The following ATP8B2 variants were observed in gnomAD, a reference collection of about 807,000 sequenced individuals.
ATP8B2 encodes the protein phospholipid-transporting ATPase ID.
A neutral mutation model predicts 133.4 loss-of-function variants in ATP8B2; 70 were observed. The ratio of observed to expected loss-of-function variants is 0.52; its 90% CI spans 0.43 to 0.64. ATP8B2 has a LOEUF of 0.64. Ranked by LOEUF, ATP8B2 falls within the 30% of genes least tolerant of loss-of-function variation. The pLI is 0.00. For missense variants in ATP8B2, 1,101 were observed against 1,535.7 expected (o/e 0.72, Z 4.73); for synonymous variants, 517 against 589.5 (o/e 0.88, Z 1.78).
chr1:154,327,677 G>A (rs1685835378), intron 1 of ATP8B2: 2 of 931,326 alleles, frequency 2.1e-6, no homozygotes, highest in Non-Finnish European at 3.4e-6. Flanking sequence ...GTTTCCTGAT[G>A]CCCTGCCAGG....
chr1:154,348,910 C>T lies in ATP8B2; in HGVS notation c.3365C>T (p.Thr1122Ile). The T allele has an allele frequency of 6.2e-7, 1 of 1,613,670 alleles. No individual in the cohort carries two copies. The highest frequency in any genetic ancestry group is 8.5e-7 in the Non-Finnish European group (1 of 1,179,804). The change falls in exon 28 of 28, where the codon ACT (threonine) becomes ATT (isoleucine). Residue 1122 changes from threonine (T) to isoleucine (I), a missense_variant. Physicochemically the swap from Thr to Ile is moderately conservative, Grantham distance 89. Coordinates refer to ENST00000368489, the MANE Select transcript of ATP8B2 (RefSeq NM_001370597.1). ...CGCTGCATGCGGCGGGTTGGCCGCA[C>T]TGGCTCCCGGCGCTCCGGCTATGCC... The part of the protein sequence containing the change: ...QHRCMRRVGR[T>I]GSRRSGYAFS...
rs1558275856 is a variant in ATP8B2, at chr1:154,346,530, C to T, written c.3024+54C>T. ...TCTCTGGAAGGAGTGAGCCTTCTGTCCCTGGGGCTGCCCTGGGCACCACAG... is the reference window on the plus strand; with the variant it reads ...TCTCTGGAAGGAGTGAGCCTTCTGTTCCTGGGGCTGCCCTGGGCACCACAG... On this transcript the variant is annotated intron_variant, in intron 25 of 27. Coordinates refer to ENST00000368489, the MANE Select transcript of ATP8B2 (RefSeq NM_001370597.1). The surrounding 1 kb of genome is among the most constrained non-coding windows in gnomAD (Gnocchi z 4.5). 1 of 1,605,744 alleles carries T rather than the reference C, an allele frequency of 6.2e-7. No homozygotes were observed. The highest frequency in any genetic ancestry group is 1.3e-5 in the African/African-American group (1 of 74,774).
At position 154,349,915 on chromosome 1, in the gene ATP8B2, GCCCCCAACACACACA is replaced by G. The variant is rs1217928403; in HGVS notation, c.*799_*813del. On this transcript the variant is annotated 3_prime_UTR_variant, in exon 28 of 28. Coordinates refer to ENST00000368489, the MANE Select transcript of ATP8B2 (RefSeq NM_001370597.1). ...CCTTGAGAGTAAAGTGCTGCCCTCTGCCCCCAACACACACACATATCAATTCCTGGATTCCTTAGT... is the reference window on the plus strand; with the variant it reads ...CCTTGAGAGTAAAGTGCTGCCCTCTGCATATCAATTCCTGGATTCCTTAGT... 6.6e-6 allele frequency: 1 copy of G among 152,586 alleles called. No homozygotes were observed. The highest frequency in any genetic ancestry group is 2.4e-5 in the African/African-American group (1 of 41,392). 9.5% of individuals were successfully genotyped at this position (152,586 alleles called of 1,614,324 possible). A position where few individuals can be genotyped will look rare whatever the true frequency, so the allele number is the denominator to read the frequency against.
At chr1:154,332,522 C>A in intron 8 of ATP8B2, 96 bp from the exon 9 acceptor site, 3 of 948,754 alleles carry the variant, frequency 3.2e-6, no homozygotes, top group South Asian at 1.5e-5. Flanking sequence ...TGTGCGACTG[C>A]ACTCCAGCCT....
chr1:154,347,856 G>A (rs182045765), intron 26 of ATP8B2, among the ~76,000 whole-genome samples: 3 of 151,178 alleles, frequency 2.0e-5, no homozygotes, highest in Middle Eastern at 3.4e-3. Context: ...CAGGAGAATC[G>A]CTTGAACCTG....
rs1176322678 is a variant in ATP8B2, at chr1:154,351,099, AT to A, written c.*1983del. On this transcript the variant is annotated 3_prime_UTR_variant, in exon 28 of 28. Transcript: ENST00000368489. ...TTTTTTTCATATTTTGTTTGTCTAT[AT>A]TATATAAATATATATATACAGTTAT... The A allele has an allele frequency of 6.8e-6, 1 of 146,338 alleles. No individual in the cohort carries two copies. Among genetic ancestry groups the A allele is most frequent in the Non-Finnish European group, 1.5e-5 (1 of 66,712 alleles). 9.1% of individuals were successfully genotyped at this position (146,338 alleles called of 1,614,324 possible). A position where few individuals can be genotyped will look rare whatever the true frequency, so the allele number is the denominator to read the frequency against.
At chr1:154,336,013 G>C (rs1421165115) in intron 11 of ATP8B2, among the ~76,000 whole-genome samples, 2 of 147,008 alleles carry the variant, frequency 1.4e-5, no homozygotes, top group Non-Finnish European at 3.0e-5. Context: ...CTGCACTCCA[G>C]CCTGGGCGAC....
Position 154,344,184 on chromosome 1 carries a change from G to T in ATP8B2, c.1965G>T (p.Gly655=). 1 of 1,614,228 alleles carries T rather than the reference G, an allele frequency of 6.2e-7. No homozygotes were observed. The highest frequency in any genetic ancestry group is 8.5e-7 in the Non-Finnish European group (1 of 1,180,040). Residue 655 remains glycine, a synonymous_variant, in exon 19 of 28, where the codon GGG becomes GGT. Coordinates refer to ENST00000368489, the MANE Select transcript of ATP8B2 (RefSeq NM_001370597.1). This position sits in a 1 kb window ranked among gnomAD's most constrained non-coding sequence, Gnocchi z 4.1. ...CCATTGAGGACAAACTTCAGCAAGG[G>T]GTTCCAGAGACCATTGCCCTCCTGA... ...ATAIEDKLQQ[G]VPETIALLTL...
chr1:154,336,387 GGAA>G (rs1195813517), intron 11 of ATP8B2, among the ~76,000 whole-genome samples: 4 of 151,582 alleles, frequency 2.6e-5, no homozygotes, highest in Non-Finnish European at 4.4e-5. Flanking sequence ...GGGCCACATT[GGAA>G]GAAGAATTGT....
At position 154,334,612 on chromosome 1, in the gene ATP8B2, C is replaced by T; in HGVS notation, c.837+21C>T. On this transcript the variant is annotated intron_variant, in intron 11 of 27. Coordinates refer to ENST00000368489, the MANE Select transcript of ATP8B2 (RefSeq NM_001370597.1). The surrounding 1 kb of genome is among the most constrained non-coding windows in gnomAD (Gnocchi z 4.6). ...TCTGGGTGAGGCGCCCCACATCTGG[C>T]TCCCTGCCCCTGCCCTCTCTTCTCC... is the stretch of plus-strand genomic sequence containing the variant. 6.3e-6 allele frequency: 10 copies of T among 1,596,978 alleles called. No individual in the cohort carries two copies. The highest frequency in any genetic ancestry group is 8.6e-6 in the Non-Finnish European group (10 of 1,164,822).
At position 154,343,810 on chromosome 1, in the gene ATP8B2, G is replaced by A; in HGVS notation, c.1759-83G>A. 30 of 1,476,212 alleles carry A rather than the reference G, an allele frequency of 2.0e-5. No homozygotes were observed. Among genetic ancestry groups the A allele is most frequent in the Non-Finnish European group, 2.7e-5 (29 of 1,089,816 alleles). 91.4% of individuals were successfully genotyped at this position (1,476,212 alleles called of 1,614,324 possible). A position where few individuals can be genotyped will look rare whatever the true frequency, so the allele number is the denominator to read the frequency against. On this transcript the variant is annotated intron_variant, in intron 17 of 27. Transcript: ENST00000368489. This position sits in a 1 kb window ranked among gnomAD's most constrained non-coding sequence, Gnocchi z 5.8. ...GAATGTGGCACACACCCAGTCTACA[G>A]TGCAGGATTATTCATTGTCGCCCTC... is the stretch of plus-strand genomic sequence containing the variant.
At chr1:154,329,646 C>T (rs1327871268) in intron 2 of ATP8B2, among the ~76,000 whole-genome samples, 2 of 152,120 alleles carry the variant, frequency 1.3e-5, no homozygotes, top group Non-Finnish European at 2.9e-5. Flanking sequence ...TAAATGTGTG[C>T]AGATGGTACA....
At position 154,340,586 on chromosome 1, in the gene ATP8B2, C is replaced by T. The variant is rs764731835; in HGVS notation, c.1035-268C>T. On this transcript the variant is annotated intron_variant, in intron 12 of 27. Coordinates refer to ENST00000368489, the MANE Select transcript of ATP8B2 (RefSeq NM_001370597.1). The surrounding 1 kb of genome is among the most constrained non-coding windows in gnomAD (Gnocchi z 4.0). ...GCCTTGTCTACAGCCCCTTTTCCTC[C>T]TTTGCTGTCTGTCCTGCCCACCCAG... 18 of 508,016 alleles carry T rather than the reference C, an allele frequency of 3.5e-5. No homozygotes were observed. The highest frequency in any genetic ancestry group is 6.6e-5 in the Non-Finnish European group (18 of 272,726). The allele number at this position is 508,016 out of a possible 1,614,324, so 31.5% of individuals were successfully genotyped here.
chr1:154,342,729 A>G, intron 14 of ATP8B2, 67 bp from the exon 15 acceptor site: 1 of 1,563,056 alleles, frequency 6.4e-7, no homozygotes, highest in Non-Finnish European at 8.8e-7. Context: ...GAGGGCAGGG[A>G]TGAACCCTTC....
intron 13 of ATP8B2, 48 bp from the exon 14 acceptor site, chr1:154,342,432 G>A (rs1157038082): frequency 6.3e-7 from 1 of 1,586,782 alleles, no homozygotes. Context: ...ATGCTCTGGA[G>A]CTCTCTGGCT....
chr1:154,338,960 G>A (rs920428331), intron 12 of ATP8B2, among the ~76,000 whole-genome samples: 6 of 152,246 alleles, frequency 3.9e-5, no homozygotes, highest in Admixed American at 1.3e-4. Context: ...TGAGAATGAA[G>A]GGGAGGATCG....
Position 154,343,487 on chromosome 1 carries a change from C to A in ATP8B2, c.1677C>A (p.Cys559Ter). ...CAGAGGGGAAGATCCGACTCTACTGCAAAGGGGCTGACACTATCCTACTGG... is the reference window on the plus strand; with the variant it reads ...CAGAGGGGAAGATCCGACTCTACTGAAAAGGGGCTGACACTATCCTACTGG... ...RNPEGKIRLY[C>*]KGADTILLDR... is the part of the protein sequence containing the mutation. The change falls in exon 17 of 28, where the codon TGC (cysteine) becomes TGA (stop). Residue 559 changes from cysteine to a stop codon, truncating the protein, a stop_gained. Coordinates refer to ENST00000368489, the MANE Select transcript of ATP8B2 (RefSeq NM_001370597.1). LOFTEE classifies it high-confidence loss of function. This position sits in a 1 kb window ranked among gnomAD's most constrained non-coding sequence, Gnocchi z 5.8. 6.2e-7 allele frequency: 1 copy of A among 1,614,118 alleles called. No individual in the cohort carries two copies.
In ATP8B2 at chr1:154,346,142, C is replaced by T; in HGVS notation, c.2779-89C>T. The T allele has an allele frequency of 1.3e-6, 2 of 1,532,976 alleles. No homozygotes were observed. The highest frequency in any genetic ancestry group is 2.3e-5 in the East Asian group (1 of 44,334). The allele number at this position is 1,532,976 out of a possible 1,614,324, so 95.0% of individuals were successfully genotyped here. ...GCCAAAGACTTTGGAAAGGAGGAGG[C>T]AGGGACAGAGTCAGAGTCTGCCCTT... On this transcript the variant is annotated intron_variant, in intron 24 of 27. Coordinates refer to ENST00000368489, the MANE Select transcript of ATP8B2 (RefSeq NM_001370597.1). The surrounding 1 kb of genome is among the most constrained non-coding windows in gnomAD (Gnocchi z 4.5).
Position 154,344,333 on chromosome 1 carries a change from G to A in ATP8B2, c.2036-62G>A. ...CCTTGCATGGAGCCGAGGACATCAG[G>A]CAGGCAAGTGTGCTGACCTTGTTGG... On this transcript the variant is annotated intron_variant, in intron 19 of 27. Transcript: ENST00000368489. This position sits in a 1 kb window ranked among gnomAD's most constrained non-coding sequence, Gnocchi z 4.1. The A allele has an allele frequency of 6.2e-7, 1 of 1,614,084 alleles. No individual in the cohort carries two copies. The highest frequency in any genetic ancestry group is 8.5e-7 in the Non-Finnish European group (1 of 1,179,946).
Sources: gnomAD v4.1 joint callset for allele counts (sites outside exome capture counted in the v4.1 genomes callset) on GRCh38, gnomAD v4.1.1 for gene constraint, Gnocchi (gnomAD v3.1) non-coding constraint, MANE v1.5 for transcripts, NCBI Gene and HGNC (gene_info 2026-07-23, HGNC 2026-07-21) for gene names.